Variants in DNAH8 observed in about 807,000 individuals in gnomAD.
DNAH8 encodes the protein axonemal beta dynein heavy chain 8.
DNAH8 carries 382 observed loss-of-function variants against 562.1 expected under a neutral mutation model. The observed-to-expected ratio is 0.68, with a 90% CI of 0.63 to 0.74. The LOEUF (loss-of-function observed/expected upper bound fraction) is 0.74. DNAH8 is among the 30% of genes least tolerant of loss of function. The probability of loss-of-function intolerance (pLI) is 0.00; values close to 1 mark genes in which losing one functional copy is unlikely to be tolerated. For synonymous variants in DNAH8, 1,881 were observed against 1,919.4 expected (o/e 0.98, Z 0.52); for missense variants, 5,203 against 5,620.4 (o/e 0.93, Z 2.37).
intron 3 of DNAH8, among the ~76,000 whole-genome samples, chr6:38,724,669 C>G (rs1763057920): frequency 6.6e-6 from 1 of 152,160 alleles, no homozygotes; most frequent in South Asian, 2.1e-4. Flanking sequence ...TGCGGTCACC[C>G]TAATTATAGT....
At chr6:38,897,647 G>C (rs1779791268) in intron 60 of DNAH8, among the ~76,000 whole-genome samples, 1 of 152,168 alleles carries the variant, frequency 6.6e-6, no homozygotes, top group Admixed American at 6.5e-5. Flanking sequence ...GGGCGAGGTG[G>C]TTTATGCCTG....
intron 42 of DNAH8, among the ~76,000 whole-genome samples, chr6:38,859,796 A>G (rs1399141860): frequency 6.6e-6 from 1 of 152,220 alleles, no homozygotes; most frequent in Non-Finnish European, 1.5e-5. Context: ...TGGCTTGGCT[A>G]TAGTGCTGGT....
rs201691475 is a variant in DNAH8 at position 38,899,799 on chromosome 6, G to A, written c.9087G>A (p.Ser3029=). The A allele has an allele frequency of 1.3e-4, 208 of 1,613,560 alleles. No individual in the cohort carries two copies. Among genetic ancestry groups the A allele is most frequent in the South Asian group, 3.2e-4 (29 of 91,002 alleles). ...LIKISRIIRT[S]CGNALLVGVG... ...AGATTTCACGAATAATTCGAACGTC[G>A]TGTGGAAATGCATTGCTGGTGGGTG... Residue 3029 remains serine (S), a synonymous_variant, in exon 62 of 93, where the codon TCG becomes TCA. Transcript: ENST00000327475.
intron 24 of DNAH8, among the ~76,000 whole-genome samples, chr6:38,810,330 C>G (rs377482385): frequency 6.6e-6 from 1 of 152,100 alleles, no homozygotes; most frequent in Non-Finnish European, 1.5e-5. Flanking sequence ...AGTGGCTCAC[C>G]TCTGTAATCC....
At chr6:38,825,413 G>T (rs1031179404) in intron 28 of DNAH8, among the ~76,000 whole-genome samples, 6 of 152,128 alleles carry the variant, frequency 3.9e-5, no homozygotes, top group African/African-American at 1.4e-4. Context: ...TCAAGAAATA[G>T]AAACACATTT....
chr6:38,965,032 C>T (rs1484600209), intron 82 of DNAH8, among the ~76,000 whole-genome samples: 1 of 150,834 alleles, frequency 6.6e-6, no homozygotes, highest in East Asian at 1.9e-4. Flanking sequence ...CCACTGCACT[C>T]CAGCCTGGGC....
intron 24 of DNAH8, among the ~76,000 whole-genome samples, chr6:38,813,409 C>A (rs1583072375): frequency 1.3e-5 from 2 of 152,016 alleles, no homozygotes; most frequent in Non-Finnish European, 2.9e-5. Context: ...CTCCCACCCC[C>A]CATCTGCTTG....
In DNAH8 at chr6:38,946,796, T is replaced by A. The variant is rs573795163; in HGVS notation, c.12129+1208T>A. ...TTGCACTCCAGCCTGGGTGACAGTG[T>A]GAGACTCTGTCTTGGGGGAAAAAAA... On this transcript the variant is annotated intron_variant, in intron 80 of 92. Transcript: ENST00000327475. Among the ~76,000 whole-genome samples, 200 of 150,524 alleles carry A rather than the reference T, an allele frequency of 1.3e-3. 1 individual carries two copies. Among genetic ancestry groups the A allele is most frequent in the African/African-American group, 4.6e-3 (188 of 40,816 alleles).
chr6:38,887,044 A>G, intron 57 of DNAH8, 40 bp downstream of exon 57: 1 of 1,402,974 alleles, frequency 7.1e-7, no homozygotes, highest in Middle Eastern at 1.9e-4. Context: ...GCATTACATA[A>G]TGGACATAAA....
At chr6:38,990,459 C>T (rs918482834) in intron 88 of DNAH8, among the ~76,000 whole-genome samples, 2 of 152,188 alleles carry the variant, frequency 1.3e-5, no homozygotes, top group African/African-American at 4.8e-5. Flanking sequence ...TTAGTGGTAG[C>T]AGTGCTCTCC....
intron 81 of DNAH8, among the ~76,000 whole-genome samples, chr6:38,950,189 CGTGT>C (rs10546857): frequency 0.15 from 22,161 of 144,004 alleles, 1,895 homozygotes; most frequent in African/African-American, 0.25. Flanking sequence ...TGTGTGTCTG[CGTGT>C]GTGTGTGTGT....
intron 36 of DNAH8, among the ~76,000 whole-genome samples, chr6:38,846,675 T>A (rs552990894): frequency 3.3e-5 from 5 of 152,278 alleles, no homozygotes; most frequent in African/African-American, 1.2e-4. Context: ...GGATATTCAG[T>A]ACTTCCTAGA....
At chr6:38,914,033 C>A (rs942238719) in intron 67 of DNAH8, 81 bp downstream of exon 67, 30 of 1,058,950 alleles carry the variant, frequency 2.8e-5, no homozygotes, top group Non-Finnish European at 3.7e-5. Context: ...TACTAAAGAA[C>A]AAGCAGGGTA....
chr6:38,938,292 A>G, intron 78 of DNAH8, 66 bp downstream of exon 78: 1 of 1,539,320 alleles, frequency 6.5e-7, no homozygotes. Context: ...CTACTCTTTT[A>G]GAAATTGCTT....
chr6:38,947,994 C>T (rs1178834419), intron 80 of DNAH8, among the ~76,000 whole-genome samples: 1 of 152,146 alleles, frequency 6.6e-6, no homozygotes, highest in African/African-American at 2.4e-5. Flanking sequence ...GCACTCTGCC[C>T]GCCTCTGCCT....
rs375764737 is a variant in DNAH8, at chr6:38,899,782, C to T, written c.9070C>T (p.Arg3024Ter). Residue 3024 changes from arginine (R) to a stop codon, truncating the protein, a stop_gained, in exon 62 of 93, where the codon CGA becomes TGA. Coordinates refer to ENST00000327475, the MANE Select transcript of DNAH8 (RefSeq NM_001206927.2). LOFTEE classifies it high-confidence loss of function. ...DAMTHLIKIS[R>*]IIRTSCGNAL... ...GTTTTAAATCTCAAAACAGATTTCA[C>T]GAATAATTCGAACGTCGTGTGGAAA... is the stretch of plus-strand genomic sequence containing the variant. The T allele has an allele frequency of 1.2e-5, 19 of 1,613,024 alleles. No homozygotes were observed. The highest frequency in any genetic ancestry group is 5.3e-5 in the African/African-American group (4 of 74,856).
intron 82 of DNAH8, among the ~76,000 whole-genome samples, chr6:38,957,014 A>G (rs374493281): frequency 6.6e-6 from 1 of 152,222 alleles, no homozygotes; most frequent in East Asian, 1.9e-4. Flanking sequence ...TTTTTAAAAA[A>G]GACCCAGCTA....
At chr6:39,022,320 G>A (rs1342282389) in intron 91 of DNAH8, among the ~76,000 whole-genome samples, 2 of 152,098 alleles carry the variant, frequency 1.3e-5, no homozygotes, top group Admixed American at 6.5e-5. Flanking sequence ...CTGCCTTCAC[G>A]GTACTGTCCT....
At chr6:39,024,761 C>A (rs770672707) in intron 91 of DNAH8, among the ~76,000 whole-genome samples, 1 of 152,220 alleles carries the variant, frequency 6.6e-6, no homozygotes, top group Non-Finnish European at 1.5e-5. Context: ...TGCTACCAGG[C>A]AAACTTCCAC....
Sources: gnomAD v4.1 joint callset for allele counts (sites outside exome capture counted in the v4.1 genomes callset) on GRCh38, gnomAD v4.1.1 for gene constraint, MANE v1.5 for transcripts, NCBI Gene and HGNC (gene_info 2026-07-23, HGNC 2026-07-21) for gene names.